CNTNAP2: variants seen among roughly 807,000 people sequenced by gnomAD.
The protein encoded by CNTNAP2 is contactin associated protein 2, also known as contactin-associated protein-like 2.
Under a neutral mutation model 155.2 loss-of-function variants are expected in CNTNAP2, and 98 were observed. The ratio of observed to expected loss-of-function variants is 0.63; its 90% CI spans 0.54 to 0.75. The LOEUF is 0.75. CNTNAP2 is among the 30% of genes least tolerant of loss of function. The probability of loss-of-function intolerance (pLI) is 0.00; values close to 1 mark genes in which losing one functional copy is unlikely to be tolerated. For synonymous variants in CNTNAP2, 651 were observed against 631.2 expected (o/e 1.03, Z -0.47); for missense variants, 1,727 against 1,688.1 (o/e 1.02, Z -0.40).
intron 1 of CNTNAP2, among the ~76,000 whole-genome samples, chr7:146,498,150 C>T (rs1797247776): frequency 6.6e-6 from 1 of 152,080 alleles, no homozygotes; most frequent in African/African-American, 2.4e-5. Flanking sequence ...CCTATCAATG[C>T]AACTGGCATT....
intron 9 of CNTNAP2, among the ~76,000 whole-genome samples, chr7:147,334,653 C>T (rs1427580599): frequency 6.6e-6 from 1 of 152,162 alleles, no homozygotes; most frequent in Non-Finnish European, 1.5e-5. Flanking sequence ...AATAGCAGAG[C>T]ACGGAAGCTG....
chr7:146,281,294 G>A (rs1487902000), intron 1 of CNTNAP2, among the ~76,000 whole-genome samples: 1 of 152,048 alleles, frequency 6.6e-6, no homozygotes, highest in Non-Finnish European at 1.5e-5. Context: ...TTTTAATAAA[G>A]GTTGAGTAAC....
chr7:146,312,949 C>G (rs1800850537), intron 1 of CNTNAP2, among the ~76,000 whole-genome samples: 1 of 152,038 alleles, frequency 6.6e-6, no homozygotes, highest in African/African-American at 2.4e-5. Context: ...TTTCTGTATG[C>G]ATTCATCTGT....
At chr7:148,068,456 C>T (rs1278098979) in intron 15 of CNTNAP2, among the ~76,000 whole-genome samples, 3 of 152,146 alleles carry the variant, frequency 2.0e-5, no homozygotes, top group Admixed American at 6.5e-5. Context: ...TACATGTTCC[C>T]CAGTGAGGGT....
intron 9 of CNTNAP2, among the ~76,000 whole-genome samples, chr7:147,317,685 T>C (rs920087815): frequency 7.2e-5 from 11 of 152,114 alleles, no homozygotes; most frequent in African/African-American, 2.7e-4. Flanking sequence ...TATAATAGAT[T>C]ATAAAGATAT....
intron 1 of CNTNAP2, among the ~76,000 whole-genome samples, chr7:146,128,369 T>C (rs1797667932): frequency 6.6e-6 from 1 of 152,178 alleles, no homozygotes; most frequent in Non-Finnish European, 1.5e-5. Flanking sequence ...TCCATCTTTA[T>C]ACAGTTCTTA....
chr7:146,616,993 T>C (rs563508227), intron 1 of CNTNAP2, among the ~76,000 whole-genome samples: 5 of 149,490 alleles, frequency 3.3e-5, no homozygotes, highest in African/African-American at 1.3e-4. Context: ...ATAGAAAAAG[T>C]GTGTATTCCA....
chr7:147,124,498 A>G (rs549424849), intron 6 of CNTNAP2, among the ~76,000 whole-genome samples: 2 of 152,298 alleles, frequency 1.3e-5, no homozygotes, highest in East Asian at 3.9e-4. Flanking sequence ...TCATGCTACC[A>G]TATATGGAAC....
intron 1 of CNTNAP2, among the ~76,000 whole-genome samples, chr7:146,253,676 C>T (rs932807365): frequency 7.2e-5 from 11 of 152,106 alleles, no homozygotes; most frequent in African/African-American, 2.2e-4. Context: ...CTGAGATGAT[C>T]AGATATAATG....
At chr7:146,864,147 C>T (rs1194022169) in intron 3 of CNTNAP2, among the ~76,000 whole-genome samples, 4 of 151,602 alleles carry the variant, frequency 2.6e-5, no homozygotes, top group African/African-American at 9.7e-5. Context: ...TTTACCAAGA[C>T]ATAAAAATTA....
At chr7:147,837,473 A>G (rs12540590) in intron 13 of CNTNAP2, among the ~76,000 whole-genome samples, 27,105 of 151,988 alleles carry the variant, frequency 0.18, 2,514 homozygotes, top group Admixed American at 0.22. Flanking sequence ...ATTCTGCCCC[A>G]GCCCCTCCCA....
rs146552040 is a variant in CNTNAP2 at position 147,468,162 on chromosome 7, G to T, written c.1671-17773G>T. 2.4e-3 allele frequency among the ~76,000 whole-genome samples: 362 copies of T among 152,050 alleles called. 2 individuals carry two copies. The highest frequency in any genetic ancestry group is 8.4e-3 in the African/African-American group (348 of 41,446). Reference sequence around the variant, plus strand: ...TATAATTAGTTGGGTGTAGTGGCACGTGCCTATAGTTTCAGCTATATAAGA... The same window carrying T: ...TATAATTAGTTGGGTGTAGTGGCACTTGCCTATAGTTTCAGCTATATAAGA... On this transcript the variant is annotated intron_variant, in intron 10 of 23. Transcript: ENST00000361727.
chr7:146,609,092 GTC>G (rs1210040007), intron 1 of CNTNAP2, among the ~76,000 whole-genome samples: 11 of 152,062 alleles, frequency 7.2e-5, no homozygotes, highest in African/African-American at 2.7e-4. Flanking sequence ...TTATTACTAG[GTC>G]TCAAAAATCT....
intron 12 of CNTNAP2, among the ~76,000 whole-genome samples, chr7:147,638,118 T>C (rs778017822): frequency 4.0e-4 from 61 of 150,936 alleles, no homozygotes; most frequent in Non-Finnish European, 8.2e-4. Flanking sequence ...CCTCAATCCA[T>C]TGCAGAATAT....
intron 17 of CNTNAP2, among the ~76,000 whole-genome samples, chr7:148,150,422 C>A (rs1008797412): frequency 2.0e-5 from 3 of 152,052 alleles, no homozygotes; most frequent in Non-Finnish European, 2.9e-5. Flanking sequence ...GTGGTGGGTG[C>A]CTGTAGTCCC....
intron 15 of CNTNAP2, among the ~76,000 whole-genome samples, chr7:148,093,321 T>C (rs1803889994): frequency 6.6e-6 from 1 of 152,196 alleles, no homozygotes; most frequent in Non-Finnish European, 1.5e-5. Context: ...ACGTGACTCT[T>C]GCAGTAAAGA....
At chr7:147,890,961 G>A (rs1006864444) in intron 13 of CNTNAP2, among the ~76,000 whole-genome samples, 4 of 152,152 alleles carry the variant, frequency 2.6e-5, no homozygotes, top group South Asian at 2.1e-4. Context: ...AAGTACGTGA[G>A]GTAATGCGTA....
intron 13 of CNTNAP2, among the ~76,000 whole-genome samples, chr7:147,693,142 A>C (rs1220282203): frequency 6.6e-6 from 1 of 151,978 alleles, no homozygotes; most frequent in Admixed American, 6.6e-5. Context: ...TTCCTTCGTC[A>C]AGATCACTTG....
chr7:146,388,671 C>A (rs1795496328), intron 1 of CNTNAP2, among the ~76,000 whole-genome samples: 2 of 151,892 alleles, frequency 1.3e-5, no homozygotes, highest in Admixed American at 1.3e-4. Context: ...GTATAGTCAC[C>A]CTATTGTGCT....
Sources: gnomAD v4.1 joint callset for allele counts (sites outside exome capture counted in the v4.1 genomes callset) on GRCh38, gnomAD v4.1.1 for gene constraint, MANE v1.5 for transcripts, NCBI Gene and HGNC (gene_info 2026-07-23, HGNC 2026-07-21) for gene names.